Variants in CBFA2T2 observed in about 807,000 individuals in gnomAD.
CBFA2T2 encodes CBFA2/RUNX1 partner transcriptional co-repressor 2.
In CBFA2T2, 11 loss-of-function variants were observed where a neutral mutation model predicts 62.2. That is an observed-to-expected ratio of 0.18 (90% CI 0.11 to 0.29). The LOEUF (loss-of-function observed/expected upper bound fraction) is 0.29, where lower values mean the gene tolerates loss of function less well. CBFA2T2 is among the 10% of genes least tolerant of loss of function. The pLI, the probability that CBFA2T2 is intolerant of heterozygous loss-of-function variation, is 1.00. For synonymous variants in CBFA2T2, 295 were observed against 287.5 expected (o/e 1.03, Z -0.27); for missense variants, 592 against 774.1 (o/e 0.76, Z 2.79).
At chr20:33,530,845 C>A (rs549919194) in intron 1 of CBFA2T2, among the ~76,000 whole-genome samples, 6 of 152,216 alleles carry the variant, frequency 3.9e-5, no homozygotes, top group African/African-American at 1.4e-4. Context: ...CTTTGGGAGG[C>A]CGAGGCGGGC....
intron 4 of CBFA2T2, among the ~76,000 whole-genome samples, chr20:33,621,150 C>T: frequency 6.6e-6 from 1 of 152,018 alleles, no homozygotes; most frequent in East Asian, 1.9e-4. Flanking sequence ...TTGGTTTTCT[C>T]TGGTGTTGAT....
Position 33,636,720 on chromosome 20 carries a change from A to G in CBFA2T2, c.1297+12A>G. The G allele has an allele frequency of 1.2e-6, 2 of 1,601,950 alleles. No individual in the cohort carries two copies. The highest frequency in any genetic ancestry group is 1.7e-6 in the Non-Finnish European group (2 of 1,169,270). On this transcript the variant is annotated intron_variant, in intron 9 of 10. Transcript: ENST00000342704. ...TTGGAAAAAAACAGGTATGTGTCTG[A>G]CTGCTTGTAGGTCATACATACTCAC...
intron 4 of CBFA2T2, among the ~76,000 whole-genome samples, chr20:33,620,991 G>T (rs1366963080): frequency 6.6e-6 from 1 of 152,186 alleles, no homozygotes; most frequent in Non-Finnish European, 1.5e-5. Context: ...TTGGGAGGGA[G>T]CATAGTTCTG....
chr20:33,529,184 C>T (rs1044017605), intron 1 of CBFA2T2, among the ~76,000 whole-genome samples: 2 of 151,994 alleles, frequency 1.3e-5, no homozygotes, highest in Admixed American at 1.3e-4. Context: ...TGCCACCATG[C>T]CCGGCTAATT....
intron 1 of CBFA2T2, among the ~76,000 whole-genome samples, chr20:33,560,959 C>T (rs550209797): frequency 2.0e-5 from 3 of 152,208 alleles, no homozygotes; most frequent in East Asian, 3.9e-4. Flanking sequence ...CTCACTGCAA[C>T]CTCCACCTCC....
Position 33,524,138 on chromosome 20 carries a change from A to AATT in CBFA2T2, c.34+33851_34+33853dup, listed in dbSNP as rs534937477. ...GGACAAAAATATGTACAGGTTTTAA[A>AATT]ATTATTATTATTATTAAAAGAATTA... is the stretch of plus-strand genomic sequence containing the variant. On this transcript the variant is annotated intron_variant, in intron 1 of 10. Coordinates refer to ENST00000342704, the MANE Select transcript of CBFA2T2 (RefSeq NM_001032999.3). 8.6e-5 allele frequency among the ~76,000 whole-genome samples: 13 copies of AATT among 151,782 alleles called. No individual in the cohort carries two copies. The South Asian group carries it at 2.1e-3, about 24-fold the overall frequency.
chr20:33,639,637 A>G (rs1000973892), intron 9 of CBFA2T2: 9 of 151,888 alleles, frequency 5.9e-5, no homozygotes, highest in African/African-American at 2.2e-4. Context: ...ACACTTTAAC[A>G]CCAACGCTTT....
chr20:33,550,638 T>C (rs2146884567), intron 1 of CBFA2T2, among the ~76,000 whole-genome samples: 1 of 152,198 alleles, frequency 6.6e-6, no homozygotes, highest in East Asian at 1.9e-4. Context: ...TTTATTTATG[T>C]AGAGATGGAG....
At chr20:33,619,745 G>T in intron 4 of CBFA2T2, 139 bp downstream of exon 4, 1 of 582,462 alleles carries the variant, frequency 1.7e-6, no homozygotes. Context: ...TCTGAGTGCA[G>T]TTAACAGATA....
rs544164631 is a variant in CBFA2T2 at position 33,544,600 on chromosome 20, C to T, written c.34+54299C>T. 3.1e-4 allele frequency among the ~76,000 whole-genome samples: 47 copies of T among 151,918 alleles called. 1 individual carries two copies. In the East Asian group the frequency reaches 8.1e-3, roughly 26 times the overall value. On this transcript the variant is annotated intron_variant, in intron 1 of 10. Transcript: ENST00000342704. ...TCTCGCTCTGTCACCCAGGCTGGAG[C>T]GTAGTGGCGCGATCTCGGCTCACTG...
chr20:33,594,517 G>T (rs116491472), intron 1 of CBFA2T2, among the ~76,000 whole-genome samples: 2,296 of 152,274 alleles, frequency 0.015, 49 homozygotes, highest in African/African-American at 0.053. Flanking sequence ...ACCGAGCCCG[G>T]CCTACTGCTA....
intron 1 of CBFA2T2, among the ~76,000 whole-genome samples, chr20:33,592,144 C>A (rs78216246): frequency 6.6e-6 from 1 of 151,928 alleles, no homozygotes. Context: ...GGGCGGATCA[C>A]GTGATATCAG....
At chr20:33,514,499 C>T (rs1172492508) in intron 1 of CBFA2T2, among the ~76,000 whole-genome samples, 2 of 151,728 alleles carry the variant, frequency 1.3e-5, no homozygotes, top group Non-Finnish European at 2.9e-5. Context: ...GTTTAAAGAG[C>T]ACCAAGGAGG....
chr20:33,631,262 C>T (rs1479077235), intron 8 of CBFA2T2, among the ~76,000 whole-genome samples: 2 of 152,162 alleles, frequency 1.3e-5, no homozygotes, highest in Admixed American at 6.5e-5. Flanking sequence ...TGCAGTGAGC[C>T]GAGATCGCGC....
intron 1 of CBFA2T2, among the ~76,000 whole-genome samples, chr20:33,521,585 C>G (rs1482722775): frequency 6.6e-6 from 1 of 152,156 alleles, no homozygotes; most frequent in Non-Finnish European, 1.5e-5. Context: ...TAATAAACTG[C>G]ATGGAGTCCA....
chr20:33,510,821 C>G (rs1405198264), intron 1 of CBFA2T2, among the ~76,000 whole-genome samples: 1 of 152,122 alleles, frequency 6.6e-6, no homozygotes, highest in African/African-American at 2.4e-5. Flanking sequence ...TTTTAATGAT[C>G]GCTATTCTAA....
At chr20:33,525,378 G>T (rs2011859655) in intron 1 of CBFA2T2, among the ~76,000 whole-genome samples, 1 of 147,624 alleles carries the variant, frequency 6.8e-6, no homozygotes, top group South Asian at 2.2e-4. Flanking sequence ...TAGAGATGGG[G>T]TTTCTCCATG....
rs369975901 is a variant in CBFA2T2 at position 33,644,678 on chromosome 20, C to T, written c.*32C>T. The stretch of plus-strand genomic sequence containing the variant: ...GACTCTGCTTACCCTGATGGCTGCT[C>T]AGCACCACAGAGTGCTTGGGCTGAG... On this transcript the variant is annotated 3_prime_UTR_variant, in exon 11 of 11. Transcript: ENST00000342704. The T allele has an allele frequency of 1.3e-6, 2 of 1,563,026 alleles. No homozygotes were observed. The highest frequency in any genetic ancestry group is 1.7e-6 in the Non-Finnish European group (2 of 1,148,940).
intron 1 of CBFA2T2, among the ~76,000 whole-genome samples, chr20:33,563,549 C>A (rs1053879527): frequency 7.9e-5 from 12 of 152,004 alleles, no homozygotes; most frequent in Non-Finnish European, 1.5e-4. Flanking sequence ...GTTTTTGAGG[C>A]CTTCGAATCT....
Sources: gnomAD v4.1 joint callset for allele counts (sites outside exome capture counted in the v4.1 genomes callset) on GRCh38, gnomAD v4.1.1 for gene constraint, MANE v1.5 for transcripts, NCBI Gene and HGNC (gene_info 2026-07-23, HGNC 2026-07-21) for gene names.